Variants in AKAP7 observed in about 807,000 individuals in gnomAD.
The protein encoded by AKAP7 is A kinase (PRKA) anchor protein 7.
In AKAP7, 39 loss-of-function variants were observed where a neutral mutation model predicts 39.5. That is an observed-to-expected ratio of 0.99 (90% CI 0.76 to 1.29). The LOEUF (loss-of-function observed/expected upper bound fraction) is 1.29, where lower values mean the gene tolerates loss of function less well. Ranked by LOEUF, AKAP7 falls within the 50% of genes most tolerant of loss-of-function variation. The pLI is 0.00. For synonymous variants in AKAP7, 140 were observed against 139.1 expected (o/e 1.01, Z -0.05); for missense variants, 414 against 407.7 (o/e 1.02, Z -0.13).
At chr6:131,241,615 GTGTGTGTGTGTGTATA>G (rs1811585784) in intron 7 of AKAP7, among the ~76,000 whole-genome samples, 2 of 101,408 alleles carry the variant, frequency 2.0e-5, no homozygotes, top group South Asian at 5.8e-4. Flanking sequence ...GTGTGTGTGT[GTGTGTGTGTGTGTATA>G]TATATATGAC....
chr6:131,273,946 T>C (rs1814523091), intron 7 of AKAP7, among the ~76,000 whole-genome samples: 2 of 151,140 alleles, frequency 1.3e-5, no homozygotes, highest in Middle Eastern at 3.2e-3. Flanking sequence ...TTTTCTTTTT[T>C]TTTTTTTTTT....
At chr6:131,151,182 A>G (rs1004524390) in intron 2 of AKAP7, among the ~76,000 whole-genome samples, 5 of 151,690 alleles carry the variant, frequency 3.3e-5, no homozygotes, top group African/African-American at 1.2e-4. Flanking sequence ...AGCTGGGATT[A>G]CAGGTGCCCA....
At chr6:131,172,928 G>A (rs949414555) in intron 5 of AKAP7, among the ~76,000 whole-genome samples, 7 of 151,902 alleles carry the variant, frequency 4.6e-5, no homozygotes, top group African/African-American at 1.4e-4. Flanking sequence ...TGGGTGCGGC[G>A]GCTCATGCCA....
At chr6:131,178,159 C>A (rs972000400) in intron 5 of AKAP7, among the ~76,000 whole-genome samples, 2 of 152,314 alleles carry the variant, frequency 1.3e-5, no homozygotes, top group South Asian at 4.1e-4. Flanking sequence ...TTCAGTAGCA[C>A]GAGCACAATC....
At chr6:131,223,589 G>A in intron 7 of AKAP7, among the ~76,000 whole-genome samples, 1 of 152,090 alleles carries the variant, frequency 6.6e-6, no homozygotes, top group East Asian at 1.9e-4. Context: ...GTTTTGATGA[G>A]GACCAAACAT....
intron 5 of AKAP7, among the ~76,000 whole-genome samples, chr6:131,180,682 C>T (rs1805103865): frequency 6.6e-6 from 1 of 152,160 alleles, no homozygotes; most frequent in African/African-American, 2.4e-5. Context: ...AGGCTATGGC[C>T]TACTTCACTG....
In AKAP7 at chr6:131,160,111, C is replaced by T; in HGVS notation, c.204C>T (p.Val68=). 1 of 1,610,200 alleles carries T rather than the reference C, an allele frequency of 6.2e-7. No individual in the cohort carries two copies. The highest frequency in any genetic ancestry group is 8.5e-7 in the Non-Finnish European group (1 of 1,178,920). The change falls in exon 3 of 8, where the codon GTC becomes GTT. Residue 68 remains valine (V), a synonymous_variant. Transcript: ENST00000431975. ...AGAGAAGTCAAGAAAATGAATGGGTCAAGAGTGATCAAGTAAAGAAGAGGA... is the reference window on the plus strand; with the variant it reads ...AGAGAAGTCAAGAAAATGAATGGGTTAAGAGTGATCAAGTAAAGAAGAGGA... ...NLKRSQENEW[V]KSDQVKKRKK...
chr6:131,199,766 T>C (rs182663185), intron 6 of AKAP7, among the ~76,000 whole-genome samples, 193 bp downstream of exon 6: 1 of 152,200 alleles, frequency 6.6e-6, no homozygotes, highest in Non-Finnish European at 1.5e-5. Flanking sequence ...CAGCTTTGCC[T>C]GCCTTTGCCA....
In AKAP7 at chr6:131,202,504, G is replaced by A. The variant is rs371479408; in HGVS notation, c.702+2931G>A. Among the ~76,000 whole-genome samples the A allele has an allele frequency of 1.3e-4, 20 of 150,976 alleles. 1 individual carries two copies. Among genetic ancestry groups the A allele is most frequent in the Middle Eastern group, 3.4e-3 (1 of 292 alleles). On this transcript the variant is annotated intron_variant, in intron 6 of 7. Transcript: ENST00000431975. ...AAATCATCATTCTCAGTAAACTATC[G>A]CAAGGACAAAAAACCAAACACTGCA...
chr6:131,161,194 T>C (rs905481877), intron 3 of AKAP7, among the ~76,000 whole-genome samples: 3 of 152,294 alleles, frequency 2.0e-5, no homozygotes, highest in East Asian at 1.9e-4. Flanking sequence ...CTAGGAAATA[T>C]CTAGTCTGTG....
At chr6:131,164,406 G>A (rs112020300) in intron 3 of AKAP7, 3 of 455,622 alleles carry the variant, frequency 6.6e-6, no homozygotes, top group African/African-American at 6.0e-5. Flanking sequence ...AGAGGAGCAG[G>A]TGCTGAGAGA....
At chr6:131,153,108 C>T (rs1165801664) in intron 2 of AKAP7, among the ~76,000 whole-genome samples, 7 of 140,230 alleles carry the variant, frequency 5.0e-5, no homozygotes, top group South Asian at 2.2e-4. Flanking sequence ...CCAGCCTGGA[C>T]GACAGAGCAA....
At chr6:131,202,237 T>G (rs1342352744) in intron 6 of AKAP7, among the ~76,000 whole-genome samples, 1 of 148,772 alleles carries the variant, frequency 6.7e-6, no homozygotes, top group Non-Finnish European at 1.5e-5. Context: ...AAATACCATT[T>G]GACCCAGCCA....
At chr6:131,139,553 A>G (rs764467260) in intron 1 of AKAP7, among the ~76,000 whole-genome samples, 4 of 152,344 alleles carry the variant, frequency 2.6e-5, no homozygotes, top group Admixed American at 1.3e-4. Context: ...TGAGGCTGCC[A>G]CTAAATACCA....
intron 1 of AKAP7, among the ~76,000 whole-genome samples, chr6:131,136,540 T>C (rs1800557705): frequency 6.6e-6 from 1 of 152,230 alleles, no homozygotes. Flanking sequence ...ATTTAGGAAA[T>C]GCATGGGAAT....
At chr6:131,162,125 AT>A (rs1803030783) in intron 3 of AKAP7, among the ~76,000 whole-genome samples, 1 of 152,060 alleles carries the variant, frequency 6.6e-6, no homozygotes, top group Non-Finnish European at 1.5e-5. Flanking sequence ...TAGCTGTGTT[AT>A]GGCTTCTTAC....
At chr6:131,229,173 T>C (rs1810437155) in intron 7 of AKAP7, among the ~76,000 whole-genome samples, 1 of 152,222 alleles carries the variant, frequency 6.6e-6, no homozygotes, top group African/African-American at 2.4e-5. Context: ...ACAGGCATTT[T>C]CTTGCAAATA....
chr6:131,222,741 T>C (rs1809817460), intron 7 of AKAP7, among the ~76,000 whole-genome samples: 1 of 152,216 alleles, frequency 6.6e-6, no homozygotes, highest in Non-Finnish European at 1.5e-5. Context: ...TTTAGAATAC[T>C]ACATTAACTT....
chr6:131,274,308 T>G (rs1417169431), intron 7 of AKAP7, among the ~76,000 whole-genome samples: 1 of 152,174 alleles, frequency 6.6e-6, no homozygotes, highest in African/African-American at 2.4e-5. Flanking sequence ...TTTGTGGAAT[T>G]TCAAACACTT....
Sources: gnomAD v4.1 joint callset for allele counts (sites outside exome capture counted in the v4.1 genomes callset) on GRCh38, gnomAD v4.1.1 for gene constraint, MANE v1.5 for transcripts, NCBI Gene and HGNC (gene_info 2026-07-23, HGNC 2026-07-21) for gene names.